AZU1: variants seen among roughly 807,000 people sequenced by gnomAD.
The protein encoded by AZU1 is azurocidin.
Under a neutral mutation model 17.8 loss-of-function variants are expected in AZU1, and 21 were observed. That is an observed-to-expected ratio of 1.18 (90% CI 0.84 to 1.70). AZU1 has a LOEUF of 1.70. Among genes scored for constraint, AZU1 ranks in the 40% most tolerant of loss-of-function variants. The probability of loss-of-function intolerance (pLI) is 0.00; values close to 1 mark genes in which losing one functional copy is unlikely to be tolerated. For missense variants in AZU1, 379 were observed against 362.9 expected (o/e 1.04, Z -0.36); for synonymous variants, 178 against 155.2 (o/e 1.15, Z -1.09).
Position 829,611 on chromosome 19 carries a change from C to A in AZU1, c.265C>A (p.Arg89=). ...GCTGGGTGCCTATGACCTGAGGCGG[C>A]GGGAGAGGCAGTCCCGCCAGACGTT... ...VVLGAYDLRR[R]ERQSRQTFSI... is the part of the protein sequence containing the mutation. Residue 89 remains arginine (R), a synonymous_variant, in exon 3 of 5, where the codon CGG becomes AGG. Transcript: ENST00000233997. 1 of 1,613,260 alleles carries A rather than the reference C, an allele frequency of 6.2e-7. No individual in the cohort carries two copies. The highest frequency in any genetic ancestry group is 2.2e-5 in the East Asian group (1 of 44,864).
Position 831,975 on chromosome 19 carries a change from C to A in AZU1, c.*98C>A. 1.4e-6 allele frequency: 2 copies of A among 1,382,768 alleles called. No individual in the cohort carries two copies. Among genetic ancestry groups the A allele is most frequent in the South Asian group, 2.7e-5 (2 of 74,584 alleles). The allele number at this position is 1,382,768 out of a possible 1,614,324, so 85.7% of individuals were successfully genotyped here. On this transcript the variant is annotated 3_prime_UTR_variant, in exon 5 of 5. Coordinates refer to ENST00000233997, the MANE Select transcript of AZU1 (RefSeq NM_001700.5). ...GCCCCGCCCCTGCCCCCGCTCCGGC[C>A]AGAGGGGCCCTGGCTGTAATAAAGA...
chr19:829,743 G>T, intron 3 of AZU1, 37 bp downstream of exon 3: 1 of 1,599,830 alleles, frequency 6.3e-7, no homozygotes, highest in Non-Finnish European at 8.5e-7. Flanking sequence ...CCAGCACCTC[G>T]GGAGGCCGAC....
chr19:830,559 C>T (rs998914613), intron 3 of AZU1, 149 bp from the exon 4 acceptor site: 13 of 687,932 alleles, frequency 1.9e-5, no homozygotes, highest in Non-Finnish European at 2.5e-5. Flanking sequence ...GGAATACAGG[C>T]GTGAGCCACC....
chr19:831,316 G>C (rs1423254575), intron 4 of AZU1: 2 of 317,406 alleles, frequency 6.3e-6, no homozygotes, highest in Non-Finnish European at 5.8e-6. Context: ...CTGACCTCAT[G>C]ATCGACCCAC....
intron 4 of AZU1, 71 bp downstream of exon 4, chr19:831,012 T>G: frequency 6.7e-7 from 1 of 1,489,884 alleles, no homozygotes; most frequent in Non-Finnish European, 9.1e-7. Context: ...AGAAAGCAAG[T>G]GCAGGCTGAG....
In AZU1 at chr19:830,841, G is replaced by T; in HGVS notation, c.494G>T (p.Arg165Leu). 6.2e-7 allele frequency: 1 copy of T among 1,608,318 alleles called. No individual in the cohort carries two copies. ...GSQRSGGRLS[R>L]FPRFVNVTVT... ...CAGCGCAGTGGGGGGCGTCTCTCCC[G>T]TTTTCCCAGGTTTGTCAACGTGACT... The change falls in exon 4 of 5, where the codon CGT (arginine) becomes CTT (leucine). Residue 165 changes from arginine to leucine, a missense_variant. Transcript: ENST00000233997.
In AZU1 at chr19:831,924, C is replaced by T. The variant is rs781586669; in HGVS notation, c.*47C>T. On this transcript the variant is annotated 3_prime_UTR_variant, in exon 5 of 5. Transcript: ENST00000233997. ...GAGCCCAGCCCCGCCCTCCACACCT[C>T]CGGCGCTCCGCACCCACCTCCCACG... 5 of 1,573,846 alleles carry T rather than the reference C, an allele frequency of 3.2e-6. No individual in the cohort carries two copies. The South Asian group carries it at 5.7e-5, about 18-fold the overall frequency.
At chr19:830,575 C>A (rs370838615) in intron 3 of AZU1, 133 bp from the exon 4 acceptor site, 2 of 802,894 alleles carry the variant, frequency 2.5e-6, no homozygotes, top group South Asian at 2.1e-5. Context: ...CCACCGCACC[C>A]GGCCCCTGCC....
At position 829,655 on chromosome 19, in the gene AZU1, C is replaced by T. The variant is rs1289929584; in HGVS notation, c.309C>T (p.Ser103=). The T allele has an allele frequency of 1.1e-5, 17 of 1,613,312 alleles. No homozygotes were observed. In the Admixed American group the frequency reaches 1.2e-4, roughly 11 times the overall value. Residue 103 remains serine, a synonymous_variant, in exon 3 of 5, where the codon AGC becomes AGT. Transcript: ENST00000233997. ...AGACGTTTTCCATCAGCAGCATGAGCGAGAATGGCTACGACCCCCAGCAGA... is the reference window on the plus strand; with the variant it reads ...AGACGTTTTCCATCAGCAGCATGAGTGAGAATGGCTACGACCCCCAGCAGA... ...SRQTFSISSM[S]ENGYDPQQNL...
rs113510125 is a variant in AZU1 at position 828,332 on chromosome 19, G to T, written c.161G>T (p.Gly54Val). Residue 54 changes from glycine (G) to valine (V), a missense_variant, in exon 2 of 5, where the codon GGT becomes GTT. By Grantham distance (109) the Gly-to-Val change is moderately radical. Transcript: ENST00000233997. ...IQNQGRHFCG[G>V]ALIHARFVMT... The stretch of plus-strand genomic sequence containing the variant: ...AATCAAGGCAGGCACTTCTGCGGGG[G>T]TGCCCTGATCCATGCCCGCTTCGTG... 3.1e-6 allele frequency: 5 copies of T among 1,610,570 alleles called. No individual in the cohort carries two copies. The African/African-American group carries it at 4.0e-5, about 13-fold the overall frequency.
chr19:830,043 CGAG>C (rs1341686138), intron 3 of AZU1, among the ~76,000 whole-genome samples: 2 of 151,304 alleles, frequency 1.3e-5, no homozygotes, highest in Non-Finnish European at 2.9e-5. Flanking sequence ...GGGCGGATCA[CGAG>C]GTCAGGAGAT....
chr19:830,954 T>C lies in AZU1; in HGVS notation c.594+13T>C, dbSNP rs2035281094. ...TGGCATCTGCAATGTGAGTGCTCCC[T>C]GTGGCGGGAGGAGGGGTCCTGAGAG... On this transcript the variant is annotated intron_variant, in intron 4 of 4. Transcript: ENST00000233997. The C allele has an allele frequency of 1.3e-6, 2 of 1,597,282 alleles. No homozygotes were observed. The highest frequency in any genetic ancestry group is 1.1e-5 in the South Asian group (1 of 90,894).
rs1002953317 is a variant in AZU1, at chr19:831,962, C to A, written c.*85C>A. On this transcript the variant is annotated 3_prime_UTR_variant, in exon 5 of 5. Coordinates refer to ENST00000233997, the MANE Select transcript of AZU1 (RefSeq NM_001700.5). ...CCCACCTCCCACGGCCCCGCCCCTG[C>A]CCCCGCTCCGGCCAGAGGGGCCCTG... The A allele has an allele frequency of 6.2e-6, 9 of 1,453,126 alleles. No homozygotes were observed. The highest frequency in any genetic ancestry group is 7.4e-6 in the Non-Finnish European group (8 of 1,076,658). 90.0% of individuals were successfully genotyped at this position (1,453,126 alleles called of 1,614,324 possible).
intron 3 of AZU1, among the ~76,000 whole-genome samples, chr19:830,323 C>G (rs1450051615): frequency 6.6e-6 from 1 of 152,186 alleles, no homozygotes; most frequent in African/African-American, 2.4e-5. Context: ...CGTATGGAGC[C>G]TCCTGTTGGT....
At chr19:830,159 C>G (rs2035270322) in intron 3 of AZU1, among the ~76,000 whole-genome samples, 1 of 152,102 alleles carries the variant, frequency 6.6e-6, no homozygotes, top group African/African-American at 2.4e-5. Flanking sequence ...ACTCAGGAGG[C>G]TGAGGCAGGA....
Position 827,870 on chromosome 19 carries a change from C to G in AZU1, c.24C>G (p.Ala8=). 1 of 1,537,134 alleles carries G rather than the reference C, an allele frequency of 6.5e-7. No individual in the cohort carries two copies. Among genetic ancestry groups the G allele is most frequent in the Non-Finnish European group, 8.7e-7 (1 of 1,147,354 alleles). MTRLTVL[A]LLAGLLASSR... ...CCATGACCCGGCTGACAGTCCTGGC[C>G]CTGCTGGCTGGTCTGCTGGCGTCCT... Residue 8 remains alanine, a synonymous_variant, in exon 1 of 5, where the codon GCC becomes GCG. Coordinates refer to ENST00000233997, the MANE Select transcript of AZU1 (RefSeq NM_001700.5).
chr19:831,492 G>A, intron 4 of AZU1: 1 of 549,192 alleles, frequency 1.8e-6, no homozygotes, highest in East Asian at 3.0e-5. Flanking sequence ...ATTGCCAGGG[G>A]AGGGGCACCT....
intron 2 of AZU1, 136 bp from the exon 3 acceptor site, chr19:829,426 G>A (rs1282496196): frequency 7.9e-7 from 1 of 1,264,936 alleles, no homozygotes; most frequent in Non-Finnish European, 1.1e-6. Context: ...CTCTGCTTCT[G>A]TAAAAGCGGG....
chr19:829,786 C>T, intron 3 of AZU1, 80 bp downstream of exon 3: 1 of 1,533,488 alleles, frequency 6.5e-7, no homozygotes, highest in Non-Finnish European at 8.8e-7. Flanking sequence ...AACTTGGTCT[C>T]TACAAAAAAA....
Sources: gnomAD v4.1 joint callset for allele counts (sites outside exome capture counted in the v4.1 genomes callset) on GRCh38, gnomAD v4.1.1 for gene constraint, MANE v1.5 for transcripts, NCBI Gene and HGNC (gene_info 2026-07-23, HGNC 2026-07-21) for gene names.